The following USP8 variants were observed in gnomAD, a reference collection of about 807,000 sequenced individuals.
USP8 encodes ubiquitin carboxyl-terminal hydrolase 8.
Under a neutral mutation model 130.0 loss-of-function variants are expected in USP8, and 27 were observed. That is an observed-to-expected ratio of 0.21 (90% CI 0.15 to 0.29). USP8 has a LOEUF of 0.29. USP8 is among the 10% of genes least tolerant of loss of function. USP8 has a pLI of 1.00. For synonymous variants in USP8, 392 were observed against 444.1 expected (o/e 0.88, Z 1.48); for missense variants, 1,029 against 1,312.2 (o/e 0.78, Z 3.33).
chr15:50,468,336 A>G (rs115175485), intron 7 of USP8, among the ~76,000 whole-genome samples: 3,432 of 150,742 alleles, frequency 0.023, 123 homozygotes, highest in African/African-American at 0.08. Context: ...TCTGGGTTCA[A>G]TTGATCCTCA....
intron 7 of USP8, among the ~76,000 whole-genome samples, chr15:50,465,680 A>G (rs2051166066): frequency 6.6e-6 from 1 of 152,186 alleles, no homozygotes; most frequent in East Asian, 1.9e-4. Context: ...TACCAAATTG[A>G]TTAAAATAAT....
At position 50,510,702 on chromosome 15, in the gene USP8, TAA is replaced by T; in HGVS notation, c.*11617_*11618del. On this transcript the variant is annotated 3_prime_UTR_variant, in exon 20 of 20. Coordinates refer to ENST00000307179, the MANE Select transcript of USP8 (RefSeq NM_005154.5). ...ATATATGTATAGAGAGTGAAAGTAA[TAA>T]AAGTGTATACACTGCTAAATGTTAA... 6.6e-6 allele frequency: 1 copy of T among 152,194 alleles called. No individual in the cohort carries two copies. The highest frequency in any genetic ancestry group is 3.4e-3 in the Middle Eastern group (1 of 294). 9.4% of individuals were successfully genotyped at this position (152,194 alleles called of 1,614,324 possible).
At chr15:50,470,450 G>A (rs1459873065) in intron 7 of USP8, among the ~76,000 whole-genome samples, 1 of 152,122 alleles carries the variant, frequency 6.6e-6, no homozygotes, top group Non-Finnish European at 1.5e-5. Flanking sequence ...CAGGGAAAAA[G>A]CCAGAGCAGA....
chr15:50,451,315 G>A (rs991792847), intron 4 of USP8, among the ~76,000 whole-genome samples: 2 of 152,160 alleles, frequency 1.3e-5, no homozygotes, highest in Non-Finnish European at 2.9e-5. Context: ...GGAGGCTGAG[G>A]CAGGAGAATC....
At chr15:50,447,979 A>C (rs962510371) in intron 3 of USP8, among the ~76,000 whole-genome samples, 1 of 150,322 alleles carries the variant, frequency 6.7e-6, no homozygotes, top group African/African-American at 2.4e-5. Flanking sequence ...CATCAGATAG[A>C]TGATCCACCC....
chr15:50,472,598 A>G (rs1190259391), intron 8 of USP8, among the ~76,000 whole-genome samples: 8 of 121,342 alleles, frequency 6.6e-5, no homozygotes, highest in East Asian at 4.5e-4. Context: ...CTCTGTCTGG[A>G]AAAAAAAAAA....
intron 16 of USP8, among the ~76,000 whole-genome samples, chr15:50,494,500 C>T (rs1191751107): frequency 1.3e-5 from 2 of 152,052 alleles, no homozygotes; most frequent in Admixed American, 1.3e-4. Context: ...GAGAAATTTG[C>T]AAATGTTAAA....
chr15:50,468,380 T>C (rs764562089), intron 7 of USP8, among the ~76,000 whole-genome samples: 6 of 151,202 alleles, frequency 4.0e-5, no homozygotes, highest in Non-Finnish European at 8.8e-5. Context: ...GTGGCTGGGA[T>C]TATAGGTGTG....
intron 4 of USP8, among the ~76,000 whole-genome samples, chr15:50,454,976 T>TCATTTACGCCCTTGAGCATA (rs1555385785): frequency 6.6e-6 from 1 of 151,766 alleles, no homozygotes; most frequent in Non-Finnish European, 1.5e-5. Context: ...GGTCTTTCTG[T>TCATTTACGCCCTTGAGCATA]GTTGCCCAGG....
At position 50,500,281 on chromosome 15, in the gene USP8, C is replaced by T. The variant is rs182762957; in HGVS notation, c.*1193C>T. The T allele has an allele frequency of 6.5e-6, 1 of 153,594 alleles. No homozygotes were observed. The highest frequency in any genetic ancestry group is 2.4e-5 in the African/African-American group (1 of 41,544). 9.5% of individuals were successfully genotyped at this position (153,594 alleles called of 1,614,324 possible). A position where few individuals can be genotyped will look rare whatever the true frequency, so the allele number is the denominator to read the frequency against. On this transcript the variant is annotated 3_prime_UTR_variant, in exon 20 of 20. Coordinates refer to ENST00000307179, the MANE Select transcript of USP8 (RefSeq NM_005154.5). ...AATCATATTCTTAAACTCATCGAGCCATTTGAACAAAAATTATTTTTGTTT... is the reference window on the plus strand; with the variant it reads ...AATCATATTCTTAAACTCATCGAGCTATTTGAACAAAAATTATTTTTGTTT...
chr15:50,484,450 A>T (rs953776185), intron 12 of USP8, 89 bp downstream of exon 12: 2 of 1,048,426 alleles, frequency 1.9e-6, no homozygotes, highest in South Asian at 2.8e-5. Context: ...GCTATCTTTT[A>T]TCATGAGATC....
chr15:50,426,918 C>T (rs1322010153), intron 1 of USP8: 1 of 151,836 alleles, frequency 6.6e-6, no homozygotes, highest in Admixed American at 6.6e-5. Flanking sequence ...GATGAAGAAT[C>T]AGGTACACTT....
In USP8 at chr15:50,500,693, T is replaced by C; in HGVS notation, c.*1605T>C. The C allele has an allele frequency of 1.4e-6, 2 of 1,407,912 alleles. No individual in the cohort carries two copies. Among genetic ancestry groups the C allele is most frequent in the Non-Finnish European group, 2.0e-6 (2 of 1,017,296 alleles). 87.2% of individuals were successfully genotyped at this position (1,407,912 alleles called of 1,614,324 possible). ...ATTGGTATGGAAAAGGGCTGGCAGC[T>C]ATAGAACAGGAGATCCATAGCATTT... is the stretch of plus-strand genomic sequence containing the variant. On this transcript the variant is annotated 3_prime_UTR_variant, in exon 20 of 20. Transcript: ENST00000307179.
At chr15:50,449,642 C>T (rs1055711221) in intron 4 of USP8, among the ~76,000 whole-genome samples, 157 bp downstream of exon 4, 14 of 152,082 alleles carry the variant, frequency 9.2e-5, no homozygotes, top group African/African-American at 2.9e-4. Context: ...AGTGCAGTGG[C>T]GCGATCTCGG....
In USP8 at chr15:50,459,663, A is replaced by G. The variant is rs1050122804; in HGVS notation, c.498+501A>G. 3.3e-5 allele frequency among the ~76,000 whole-genome samples: 5 copies of G among 152,124 alleles called. No individual in the cohort carries two copies. In the East Asian group the frequency reaches 9.6e-4, roughly 29 times the overall value. The stretch of plus-strand genomic sequence containing the variant: ...TTTTTCTGTGAATTTCTATGGCAAT[A>G]TTTTCTCTGCATTAATTCGTTTTTT... On this transcript the variant is annotated intron_variant, in intron 5 of 19. Coordinates refer to ENST00000307179, the MANE Select transcript of USP8 (RefSeq NM_005154.5).
chr15:50,500,334 TTTG>T lies in USP8; in HGVS notation c.*1250_*1252del, dbSNP rs1436470264. 1.9e-5 allele frequency: 3 copies of T among 154,076 alleles called. No homozygotes were observed. The highest frequency in any genetic ancestry group is 7.3e-5 in the African/African-American group (3 of 41,364). The allele number at this position is 154,076 out of a possible 1,614,324, so 9.5% of individuals were successfully genotyped here. On this transcript the variant is annotated 3_prime_UTR_variant, in exon 20 of 20. Transcript: ENST00000307179. Reference sequence around the variant, plus strand: ...CTTCATGAGTATCTTTGGAAAATAATTTGTTGAATATATATGATTATGAGATAT... The same window carrying T: ...CTTCATGAGTATCTTTGGAAAATAATTTGAATATATATGATTATGAGATAT...
chr15:50,449,586 AT>A (rs1254264897), intron 4 of USP8, 101 bp downstream of exon 4: 822 of 862,362 alleles, frequency 9.5e-4, no homozygotes, highest in Middle Eastern at 2.4e-3. Context: ...TAATATTCCA[AT>A]TTTTTTTTGA....
At position 50,449,478 on chromosome 15, in the gene USP8, A is replaced by G. The variant is rs1186581350; in HGVS notation, c.328A>G (p.Lys110Glu). ...AGCTGAAAGACTCTCTGAAAGCCTT[A>G]AATTAAGGTACAGATATTATGAAAT... ...EEAERLSESL[K>E]LRYEEAEVRK... Residue 110 changes from lysine (K) to glutamate (E), a missense_variant, in exon 4 of 20, where the codon AAA (lysine) becomes GAA (glutamate). Transcript: ENST00000307179. 6.3e-7 allele frequency: 1 copy of G among 1,582,530 alleles called. No homozygotes were observed. Among genetic ancestry groups the G allele is most frequent in the East Asian group, 2.3e-5 (1 of 44,036 alleles).
chr15:50,493,740 C>CCTAT lies in USP8; in HGVS notation c.2448-327_2448-324dup, dbSNP rs964621233. The stretch of plus-strand genomic sequence containing the variant: ...ACCAGCCTGGGTGACAGAATGAGAC[C>CCTAT]CTATCTCAAAAAAGAGTAAAGCCTT... On this transcript the variant is annotated intron_variant, in intron 15 of 19. Transcript: ENST00000307179. 13 of 397,370 alleles carry CCTAT rather than the reference C, an allele frequency of 3.3e-5. 1 individual carries two copies. Among genetic ancestry groups the CCTAT allele is most frequent in the South Asian group, 1.4e-4 (7 of 49,286 alleles). 24.6% of individuals were successfully genotyped at this position (397,370 alleles called of 1,614,324 possible). A position where few individuals can be genotyped will look rare whatever the true frequency, so the allele number is the denominator to read the frequency against.
Sources: gnomAD v4.1 joint callset for allele counts (sites outside exome capture counted in the v4.1 genomes callset) on GRCh38, gnomAD v4.1.1 for gene constraint, MANE v1.5 for transcripts, NCBI Gene and HGNC (gene_info 2026-07-23, HGNC 2026-07-21) for gene names.